PTPRD: variants seen among roughly 807,000 people sequenced by gnomAD.
The protein encoded by PTPRD is protein tyrosine phosphatase receptor type D.
In PTPRD, 34 loss-of-function variants were observed where a neutral mutation model predicts 214.5. That is an observed-to-expected ratio of 0.16 (90% CI 0.12 to 0.21). The LOEUF (loss-of-function observed/expected upper bound fraction) is 0.21. PTPRD is among the 10% of genes least tolerant of loss of function. The pLI is 1.00. For synonymous variants in PTPRD, 1,128 were observed against 845.7 expected, an observed-to-expected ratio of 1.33 and a Z score of -5.79; for missense variants, 2,545 against 2,398.7, an observed-to-expected ratio of 1.06 and a Z score of -1.27.
At chr9:9,574,354 C>A (rs1012223204) in intron 8 of PTPRD, among the ~76,000 whole-genome samples, 2 of 151,938 alleles carry the variant, frequency 1.3e-5, no homozygotes, top group African/African-American at 4.8e-5. Flanking sequence ...AATTTTGATA[C>A]ATCTTGACAG....
intron 14 of PTPRD, among the ~76,000 whole-genome samples, chr9:8,614,834 C>T (rs150453630): frequency 4.5e-4 from 68 of 152,222 alleles, no homozygotes; most frequent in Middle Eastern, 3.4e-3. Context: ...TTAGCCCTGA[C>T]TAGTCCTCAT....
At chr9:8,371,958 A>G (rs749496993) in intron 39 of PTPRD, among the ~76,000 whole-genome samples, 5 of 152,040 alleles carry the variant, frequency 3.3e-5, no homozygotes, top group Non-Finnish European at 5.9e-5. Context: ...GCATGAATGC[A>G]ATGATAAGCA....
At chr9:8,905,784 C>T (rs1044917792) in intron 11 of PTPRD, among the ~76,000 whole-genome samples, 3 of 151,874 alleles carry the variant, frequency 2.0e-5, no homozygotes, top group Admixed American at 6.6e-5. Flanking sequence ...TTAGCCTACC[C>T]TTCTTCCATT....
chr9:8,631,541 C>T (rs2096251891), intron 14 of PTPRD, among the ~76,000 whole-genome samples: 1 of 151,726 alleles, frequency 6.6e-6, no homozygotes, highest in Non-Finnish European at 1.5e-5. Flanking sequence ...GTGTCTGTTG[C>T]ACACTCTATG....
intron 2 of PTPRD, among the ~76,000 whole-genome samples, chr9:10,356,782 G>C (rs561650115): frequency 5.4e-4 from 82 of 151,864 alleles, no homozygotes; most frequent in Admixed American, 1.6e-3. Context: ...CAAGTTCAAG[G>C]GGTTCTCCTG....
chr9:10,201,504 T>C (rs1303784071), intron 3 of PTPRD, among the ~76,000 whole-genome samples: 1 of 152,112 alleles, frequency 6.6e-6, no homozygotes, highest in East Asian at 1.9e-4. Flanking sequence ...TAATGTGCTA[T>C]GTATGCATAG....
intron 8 of PTPRD, among the ~76,000 whole-genome samples, chr9:9,536,579 G>A (rs1689540547): frequency 6.6e-6 from 1 of 151,928 alleles, no homozygotes; most frequent in Admixed American, 6.6e-5. Context: ...TCACTGGGCT[G>A]GACAGAGCAA....
chr9:9,847,447 A>C (rs1438099842), intron 5 of PTPRD, among the ~76,000 whole-genome samples: 4 of 152,162 alleles, frequency 2.6e-5, no homozygotes, highest in African/African-American at 9.7e-5. Flanking sequence ...AAATGACTTA[A>C]ATGACTGATT....
chr9:8,452,041 G>A (rs2095978450), intron 33 of PTPRD: 1 of 275,626 alleles, frequency 3.6e-6, no homozygotes, highest in Admixed American at 5.3e-5. Context: ...ACATCTTGTT[G>A]CAAAGATGTG....
chr9:8,469,111 T>C (rs975929457), intron 31 of PTPRD, among the ~76,000 whole-genome samples: 5 of 152,160 alleles, frequency 3.3e-5, no homozygotes, highest in East Asian at 3.9e-4. Context: ...CAAACCATTA[T>C]ACAGATTAAT....
intron 9 of PTPRD, among the ~76,000 whole-genome samples, chr9:9,351,454 A>T (rs972683863): frequency 1.2e-4 from 18 of 151,982 alleles, no homozygotes; most frequent in African/African-American, 4.3e-4. Context: ...TATGCATTAG[A>T]TGTATTTTAG....
At chr9:8,754,262 A>T (rs968914893) in intron 11 of PTPRD, among the ~76,000 whole-genome samples, 8 of 152,236 alleles carry the variant, frequency 5.3e-5, no homozygotes, top group Non-Finnish European at 8.8e-5. Flanking sequence ...AACTAATTTT[A>T]TAATTTATAA....
intron 8 of PTPRD, among the ~76,000 whole-genome samples, chr9:9,493,466 C>G (rs988702531): frequency 1.3e-5 from 2 of 152,034 alleles, no homozygotes; most frequent in African/African-American, 4.8e-5. Context: ...CAAAGAGTAA[C>G]TTTGACTTTC....
chr9:8,745,126 A>G (rs1378572703), intron 11 of PTPRD, among the ~76,000 whole-genome samples: 1 of 152,180 alleles, frequency 6.6e-6, no homozygotes, highest in East Asian at 1.9e-4. Context: ...CAGACTGATA[A>G]AAATCAGAAG....
chr9:9,302,394 T>C (rs1161793079), intron 9 of PTPRD, among the ~76,000 whole-genome samples: 3 of 151,862 alleles, frequency 2.0e-5, no homozygotes, highest in Admixed American at 6.6e-5. Flanking sequence ...AATTATTTTA[T>C]TTTTACCCTT....
intron 6 of PTPRD, among the ~76,000 whole-genome samples, chr9:9,761,852 T>C (rs1485729528): frequency 6.6e-6 from 1 of 152,236 alleles, no homozygotes; most frequent in African/African-American, 2.4e-5. Flanking sequence ...CTGCGAATTA[T>C]TCCATGCTCC....
intron 11 of PTPRD, among the ~76,000 whole-genome samples, chr9:8,889,887 T>G (rs1383525644): frequency 6.6e-6 from 1 of 152,214 alleles, no homozygotes; most frequent in Non-Finnish European, 1.5e-5. Context: ...TGGTTCCATA[T>G]TTTTGCAATT....
intron 4 of PTPRD, among the ~76,000 whole-genome samples, chr9:9,950,680 G>A (rs570601157): frequency 2.0e-5 from 2 of 98,060 alleles, no homozygotes; most frequent in Non-Finnish European, 3.6e-5. Flanking sequence ...AGCCGAGATC[G>A]CGCCACTGCA....
intron 30 of PTPRD, among the ~76,000 whole-genome samples, chr9:8,472,811 C>A (rs747891726): frequency 6.6e-6 from 1 of 152,012 alleles, no homozygotes; most frequent in African/African-American, 2.4e-5. Context: ...ATTTGCTGGA[C>A]GGCACTGCTC....
Sources: allele counts gnomAD v4.1 joint callset (sites outside exome capture counted in the v4.1 genomes callset), GRCh38; gene constraint gnomAD v4.1.1; transcripts MANE v1.5; gene names NCBI Gene and HGNC (gene_info 2026-07-23, HGNC 2026-07-21).